SCNN1G: variants seen among roughly 807,000 people sequenced by gnomAD.
The protein encoded by SCNN1G is epithelial sodium channel subunit gamma.
A neutral mutation model predicts 64.6 loss-of-function variants in SCNN1G; 27 were observed. The observed-to-expected ratio is 0.42, with a 90% confidence interval of 0.31 to 0.58. The LOEUF is 0.58. SCNN1G is among the 20% of genes least tolerant of loss of function. The probability of loss-of-function intolerance (pLI) is 0.18; values close to 1 mark genes in which losing one functional copy is unlikely to be tolerated. For missense variants in SCNN1G, 743 were observed against 823.4 expected, an observed-to-expected ratio of 0.90 and a Z score of 1.19; for synonymous variants, 330 against 314.2, an observed-to-expected ratio of 1.05 and a Z score of -0.53.
chr16:23,209,940 G>A, intron 7 of SCNN1G, 92 bp downstream of exon 7: 1 of 871,204 alleles, frequency 1.1e-6, no homozygotes, highest in Non-Finnish European at 1.9e-6. Context: ...CTTGCACCAG[G>A]AACTCTGGTG....
At chr16:23,199,359 C>G (rs1959847931) in intron 6 of SCNN1G, among the ~76,000 whole-genome samples, 1 of 152,138 alleles carries the variant, frequency 6.6e-6, no homozygotes, top group Non-Finnish European at 1.5e-5. Flanking sequence ...ATTGATGCAA[C>G]CCCCCATTGA....
chr16:23,203,601 T>C (rs1596771852), intron 6 of SCNN1G, among the ~76,000 whole-genome samples: 1 of 151,452 alleles, frequency 6.6e-6, no homozygotes, highest in East Asian at 1.9e-4. Context: ...AAACCCTGTC[T>C]CTACTAAAAA....
intron 6 of SCNN1G, among the ~76,000 whole-genome samples, chr16:23,201,302 T>G (rs537423795): frequency 6.6e-6 from 1 of 152,208 alleles, no homozygotes. Context: ...TGTAAGTTAC[T>G]AGAGCTTGTA....
intron 4 of SCNN1G, 36 bp downstream of exon 4, chr16:23,192,578 A>G (rs370358256): frequency 1.2e-5 from 19 of 1,563,850 alleles, no homozygotes; most frequent in Non-Finnish European, 1.4e-5. Flanking sequence ...GCCTCTAAGG[A>G]CTGGCAGCTC....
chr16:23,194,249 CA>C lies in SCNN1G; in HGVS notation c.889del (p.Thr297ProfsTer16). On this transcript the variant is annotated frameshift_variant, in exon 5 of 13. Transcript: ENST00000300061. LOFTEE classifies it high-confidence loss of function. ...ACAGAGAAAATGAGACCATTCTCAG[CA>C]CCTCCATGGGGGGCAGCGAATATGG... Reference protein sequence around the residue: ...NNRENETILSTSMGGSEYGLQ... With the variant: ...NNRENETILSXSMGGSEYGLQ... 6.2e-7 allele frequency: 1 copy of C among 1,612,490 alleles called. No individual in the cohort carries two copies. The highest frequency in any genetic ancestry group is 8.5e-7 in the Non-Finnish European group (1 of 1,178,520).
rs1426016715 is a variant in SCNN1G, at chr16:23,209,857, T to C, written c.1176+9T>C. Reference sequence around the variant, plus strand: ...CTGCCTACTCGCTCCAGGTAACAGATTGGCAGGGGCACCCAGCCCTGGGTT... The same window carrying C: ...CTGCCTACTCGCTCCAGGTAACAGACTGGCAGGGGCACCCAGCCCTGGGTT... On this transcript the variant is annotated intron_variant, in intron 7 of 12. Transcript: ENST00000300061. 5.6e-6 allele frequency: 9 copies of C among 1,603,396 alleles called. No individual in the cohort carries two copies. The highest frequency in any genetic ancestry group is 1.7e-5 in the Admixed American group (1 of 60,000).
intron 7 of SCNN1G, 79 bp from the exon 8 acceptor site, chr16:23,211,954 CT>C: frequency 9.6e-7 from 1 of 1,045,488 alleles, no homozygotes; most frequent in Non-Finnish European, 1.5e-6. Flanking sequence ...GGCTGACCCC[CT>C]GGGCTGAGGG....
At chr16:23,213,252 CTTTTTTTTTT>C (rs376259589) in intron 11 of SCNN1G, 89 bp downstream of exon 11, 5 of 533,930 alleles carry the variant, frequency 9.4e-6, no homozygotes, top group African/African-American at 2.3e-5. Flanking sequence ...GCCAAATCCT[CTTTTTTTTTT>C]TTTTTTTTTT....
intron 6 of SCNN1G, among the ~76,000 whole-genome samples, chr16:23,202,929 A>T (rs1183577223): frequency 6.6e-6 from 1 of 152,224 alleles, no homozygotes; most frequent in African/African-American, 2.4e-5. Context: ...GAAAGCATTC[A>T]TTAGATGCTA....
At chr16:23,193,301 T>A (rs948255078) in intron 4 of SCNN1G, among the ~76,000 whole-genome samples, 2 of 152,058 alleles carry the variant, frequency 1.3e-5, no homozygotes, top group Admixed American at 6.6e-5. Context: ...CTTTCACCTT[T>A]ATGATAACAC....
intron 6 of SCNN1G, among the ~76,000 whole-genome samples, chr16:23,200,870 G>C (rs1226616244): frequency 6.6e-6 from 1 of 152,156 alleles, no homozygotes; most frequent in Non-Finnish European, 1.5e-5. Flanking sequence ...GATGAAATCT[G>C]GGGCTTCACT....
At position 23,209,763 on chromosome 16, in the gene SCNN1G, A is replaced by G; in HGVS notation, c.1091A>G (p.Lys364Arg). The G allele has an allele frequency of 6.2e-7, 1 of 1,613,770 alleles. No individual in the cohort carries two copies. Among genetic ancestry groups the G allele is most frequent in the Non-Finnish European group, 8.5e-7 (1 of 1,179,640 alleles). The change falls in exon 7 of 13, where the codon AAG becomes AGG. Residue 364 changes from lysine to arginine, a missense_variant. By Grantham distance (26) the Lys-to-Arg change is conservative (BLOSUM62 2). Transcript: ENST00000300061. The part of the protein sequence containing the change: ...SIGMHLTESF[K>R]LSEPYSQCTE... ...CTGTGATTGCAGACAGAGTCCTTCA[A>G]GCTGAGTGAGCCCTACAGTCAGTGC...
chr16:23,202,706 A>C (rs1013617444), intron 6 of SCNN1G, among the ~76,000 whole-genome samples: 4 of 152,254 alleles, frequency 2.6e-5, no homozygotes, highest in Admixed American at 6.5e-5. Context: ...CGGATATTAT[A>C]GCACAGAAGC....
chr16:23,187,106 C>CTTTTTT (rs991130957), intron 2 of SCNN1G, among the ~76,000 whole-genome samples: 1 of 117,900 alleles, frequency 8.5e-6, no homozygotes. Context: ...CTGGCCTTTT[C>CTTTTTT]TTTTTTTTTT....
At chr16:23,197,007 C>T (rs971535303) in intron 5 of SCNN1G, among the ~76,000 whole-genome samples, 5 of 152,172 alleles carry the variant, frequency 3.3e-5, no homozygotes, top group South Asian at 2.1e-4. Context: ...TTGGCAAAAA[C>T]GTATGCTTGG....
chr16:23,209,878 GGGTTTAT>G, intron 7 of SCNN1G, 30 bp downstream of exon 7: 1 of 1,514,606 alleles, frequency 6.6e-7, no homozygotes. Context: ...ACCCAGCCCT[GGGTTTAT>G]GGCCCGGACC....
intron 11 of SCNN1G, 87 bp downstream of exon 11, chr16:23,213,250 C>CT: frequency 1.3e-6 from 1 of 771,242 alleles, no homozygotes. Flanking sequence ...TGGCCAAATC[C>CT]TCTTTTTTTT....
rs1399332434 is a variant in SCNN1G at position 23,209,737 on chromosome 16, G to C, written c.1078-13G>C. ...GGGAGGACAGGGCTGAGTGTGTGCT[G>C]CTGTGATTGCAGACAGAGTCCTTCA... On this transcript the variant is annotated splice_polypyrimidine_tract_variant and intron_variant, in intron 6 of 12. Coordinates refer to ENST00000300061, the MANE Select transcript of SCNN1G (RefSeq NM_001039.4). 1.9e-6 allele frequency: 3 copies of C among 1,602,550 alleles called. No homozygotes were observed. Among genetic ancestry groups the C allele is most frequent in the Non-Finnish European group, 2.6e-6 (3 of 1,169,392 alleles).
At chr16:23,188,683 G>C (rs1959654210) in intron 2 of SCNN1G, among the ~76,000 whole-genome samples, 1 of 152,166 alleles carries the variant, frequency 6.6e-6, no homozygotes, top group Non-Finnish European at 1.5e-5. Flanking sequence ...CCAGTACCAG[G>C]ATGGGGAACC....
Sources: gnomAD v4.1 joint callset for allele counts (sites outside exome capture counted in the v4.1 genomes callset) on GRCh38, gnomAD v4.1.1 for gene constraint, MANE v1.5 for transcripts, NCBI Gene and HGNC (gene_info 2026-07-23, HGNC 2026-07-21) for gene names.